Variants in FOXP2 observed in about 807,000 individuals in gnomAD.
The protein encoded by FOXP2 is forkhead box P2.
A neutral mutation model predicts 115.8 loss-of-function variants in FOXP2; 12 were observed. The ratio of observed to expected loss-of-function variants is 0.10; its 90% CI spans 0.07 to 0.17. The LOEUF (loss-of-function observed/expected upper bound fraction) is 0.17, where lower values mean the gene tolerates loss of function less well. FOXP2 is among the 10% of genes least tolerant of loss of function. The pLI is 1.00. For missense variants in FOXP2, 629 were observed against 843.5 expected (o/e 0.75, Z 3.15); for synonymous variants, 328 against 297.7 (o/e 1.10, Z -1.05).
At chr7:114,376,226 A>C (rs956645881) in intron 2 of FOXP2, among the ~76,000 whole-genome samples, 3 of 152,244 alleles carry the variant, frequency 2.0e-5, no homozygotes, top group Admixed American at 6.5e-5. Context: ...AAAGAAAATA[A>C]ACTCTTAATT....
intron 1 of FOXP2, among the ~76,000 whole-genome samples, chr7:114,128,021 G>T (rs1056778609): frequency 1.3e-5 from 2 of 152,190 alleles, no homozygotes; most frequent in African/African-American, 4.8e-5. Context: ...AAAACCAATA[G>T]TTCATGACAT....
intron 3 of FOXP2, among the ~76,000 whole-genome samples, chr7:114,599,378 A>T (rs1481027866): frequency 6.6e-6 from 1 of 152,104 alleles, no homozygotes; most frequent in East Asian, 1.9e-4. Context: ...ATTTATTTTA[A>T]ATGTTAAATT....
chr7:114,106,158 T>C (rs1172014034), intron 1 of FOXP2, among the ~76,000 whole-genome samples: 1 of 152,088 alleles, frequency 6.6e-6, no homozygotes, highest in Non-Finnish European at 1.5e-5. Context: ...CTGCGTGACC[T>C]TGGGCAAGTT....
intron 1 of FOXP2, chr7:114,416,550 TTAGAA>T (rs1160321453): frequency 6.6e-6 from 1 of 151,878 alleles, no homozygotes; most frequent in Admixed American, 6.6e-5. Flanking sequence ...TAATGTGTGC[TTAGAA>T]TAGATCTTGA....
intron 3 of FOXP2, among the ~76,000 whole-genome samples, chr7:114,579,145 C>T: frequency 6.6e-6 from 1 of 152,024 alleles, no homozygotes; most frequent in Non-Finnish European, 1.5e-5. Flanking sequence ...TATGTATTAA[C>T]AATTAAAAAT....
intron 1 of FOXP2, among the ~76,000 whole-genome samples, chr7:114,259,374 A>C (rs2129170979): frequency 6.6e-6 from 1 of 152,342 alleles, no homozygotes; most frequent in Non-Finnish European, 1.5e-5. Flanking sequence ...TAACATTATA[A>C]AATAGATTAG....
chr7:114,204,595 T>TAAAAC (rs1023455098), intron 1 of FOXP2, among the ~76,000 whole-genome samples: 3 of 152,144 alleles, frequency 2.0e-5, no homozygotes, highest in Non-Finnish European at 2.9e-5. Flanking sequence ...ACAACTGTTG[T>TAAAAC]AAAACAAAAC....
At chr7:114,526,475 CAAA>C (rs572915238) in intron 2 of FOXP2, among the ~76,000 whole-genome samples, 1 of 69,096 alleles carries the variant, frequency 1.4e-5, no homozygotes. Flanking sequence ...GACTCTGTCT[CAAA>C]AAAAAAAAAC....
At chr7:114,231,062 C>T (rs1794863224) in intron 1 of FOXP2, among the ~76,000 whole-genome samples, 1 of 151,560 alleles carries the variant, frequency 6.6e-6, no homozygotes, top group Non-Finnish European at 1.5e-5. Context: ...ACGATATCAA[C>T]ATACAAAAAT....
intron 2 of FOXP2, among the ~76,000 whole-genome samples, chr7:114,293,054 C>T (rs149302143): frequency 1.8e-3 from 278 of 152,236 alleles, no homozygotes; most frequent in African/African-American, 6.5e-3. Flanking sequence ...AAACACGAAT[C>T]ACTGGAGTCC....
chr7:114,201,126 C>T (rs1186941641), intron 1 of FOXP2, among the ~76,000 whole-genome samples: 1 of 151,796 alleles, frequency 6.6e-6, no homozygotes, highest in Non-Finnish European at 1.5e-5. Context: ...ATTGTACTCC[C>T]GCTTGGGCAA....
intron 2 of FOXP2, among the ~76,000 whole-genome samples, chr7:114,336,722 G>T (rs898535761): frequency 6.6e-6 from 1 of 151,320 alleles, no homozygotes; most frequent in African/African-American, 2.4e-5. Flanking sequence ...GTAACAAAAA[G>T]TATTCATAAA....
In FOXP2 at chr7:114,239,126, T is replaced by C. The variant is rs186281589; in HGVS notation, c.-101-48893T>C. On this transcript the variant is annotated intron_variant, in intron 1 of 17. Coordinates refer to the FOXP2 transcript ENST00000634411. Reference sequence around the variant, plus strand: ...ATTTTCTATTGCTTAGATGGATTGATGGATTAACTTACAATCACAAATGAG... The same window carrying C: ...ATTTTCTATTGCTTAGATGGATTGACGGATTAACTTACAATCACAAATGAG... Among the ~76,000 whole-genome samples, 286 of 151,968 alleles carry C rather than the reference T, an allele frequency of 1.9e-3. 1 individual carries two copies. The highest frequency in any genetic ancestry group is 3.6e-3 in the Non-Finnish European group (247 of 67,928).
At chr7:114,180,949 T>G (rs1318607863) in intron 1 of FOXP2, among the ~76,000 whole-genome samples, 1 of 151,990 alleles carries the variant, frequency 6.6e-6, no homozygotes, top group Non-Finnish European at 1.5e-5. Context: ...TATTTTCTGC[T>G]TAAAATTTTG....
At chr7:114,196,024 T>A (rs976493145) in intron 1 of FOXP2, among the ~76,000 whole-genome samples, 8 of 152,116 alleles carry the variant, frequency 5.3e-5, no homozygotes, top group South Asian at 4.1e-4. Flanking sequence ...TTAATTTATT[T>A]ATTTATTGCG....
At chr7:114,164,785 G>A (rs1439638286) in intron 1 of FOXP2, among the ~76,000 whole-genome samples, 1 of 152,098 alleles carries the variant, frequency 6.6e-6, no homozygotes, top group Non-Finnish European at 1.5e-5. Flanking sequence ...AATTTGGTGG[G>A]TCAGTACCGT....
intron 2 of FOXP2, among the ~76,000 whole-genome samples, chr7:114,318,817 G>T (rs1797339027): frequency 6.6e-6 from 1 of 151,868 alleles, no homozygotes; most frequent in Non-Finnish European, 1.5e-5. Context: ...ACCTTTATTT[G>T]TATGTTTGAC....
intron 1 of FOXP2, among the ~76,000 whole-genome samples, chr7:114,178,692 G>A (rs1282635098): frequency 6.6e-6 from 1 of 151,872 alleles, no homozygotes; most frequent in African/African-American, 2.4e-5. Flanking sequence ...TAGTAAGGTA[G>A]GTCAGCATTT....
chr7:114,177,169 A>G (rs898820080), intron 1 of FOXP2, among the ~76,000 whole-genome samples: 1 of 152,136 alleles, frequency 6.6e-6, no homozygotes, highest in African/African-American at 2.4e-5. Flanking sequence ...TATTGTACAC[A>G]TCTTTTACAT....
Sources: gnomAD v4.1 joint callset for allele counts (sites outside exome capture counted in the v4.1 genomes callset) on GRCh38, gnomAD v4.1.1 for gene constraint, MANE v1.5 for transcripts, NCBI Gene and HGNC (gene_info 2026-07-23, HGNC 2026-07-21) for gene names.